Variants in ZNF638 observed in about 807,000 individuals in gnomAD.
ZNF638 encodes the protein CTCL tumor antigen se33-1.
In ZNF638, 46 loss-of-function variants were observed where a neutral mutation model predicts 195.6. The ratio of observed to expected loss-of-function variants is 0.24; its 90% CI spans 0.19 to 0.30. The LOEUF (loss-of-function observed/expected upper bound fraction) is 0.30, where lower values mean the gene tolerates loss of function less well. Among genes scored for constraint, ZNF638 ranks in the 10% least tolerant of loss-of-function variants. The probability of loss-of-function intolerance (pLI) is 1.00; values close to 1 mark genes in which losing one functional copy is unlikely to be tolerated. For missense variants in ZNF638, 2,440 were observed against 2,325.3 expected, an observed-to-expected ratio of 1.05 and a Z score of -1.01; for synonymous variants, 845 against 772.0, an observed-to-expected ratio of 1.09 and a Z score of -1.57.
chr2:71,400,586 A>T, intron 15 of ZNF638, 68 bp downstream of exon 15: 1 of 1,361,442 alleles, frequency 7.3e-7, no homozygotes, highest in Non-Finnish European at 1.0e-6. Context: ...TTTTTCTTAT[A>T]AACCCAGGTA....
chr2:71,398,038 A>G (rs527839168), intron 11 of ZNF638, among the ~76,000 whole-genome samples: 92 of 152,308 alleles, frequency 6.0e-4, no homozygotes, highest in African/African-American at 2.1e-3. Flanking sequence ...TGCTCAAAGT[A>G]TGGGATTGTT....
chr2:71,393,737 C>T lies in ZNF638; in HGVS notation c.2378-2404C>T, dbSNP rs112869021. ...CTCTATTGGGCTCATCTGTTAGATCCGCCTTTCTTACGCCCTGTTACCTGG... is the reference window on the plus strand; with the variant it reads ...CTCTATTGGGCTCATCTGTTAGATCTGCCTTTCTTACGCCCTGTTACCTGG... On this transcript the variant is annotated intron_variant, in intron 10 of 27. Coordinates refer to ENST00000264447, the MANE Select transcript of ZNF638 (RefSeq NM_014497.5). The T allele has an allele frequency of 8.1e-4, 525 of 651,518 alleles. 6 individuals carry two copies. The highest frequency in any genetic ancestry group is 7.7e-3 in the African/African-American group (430 of 55,934). 40.4% of individuals were successfully genotyped at this position (651,518 alleles called of 1,614,324 possible).
rs2080138869 is a variant in ZNF638 at position 71,407,969 on chromosome 2, G to C, written c.3136-153G>C. 3.6e-5 allele frequency: 22 copies of C among 612,578 alleles called. No individual in the cohort carries two copies. In the South Asian group the frequency reaches 5.6e-4, roughly 16 times the overall value. 37.9% of individuals were successfully genotyped at this position (612,578 alleles called of 1,614,324 possible). A position where few individuals can be genotyped will look rare whatever the true frequency, so the allele number is the denominator to read the frequency against. Reference sequence around the variant, plus strand: ...TCTCCCTTTGTCTGTTGTGAATAATGCTTCTGTGAACATGGGTGTACAAAT... The same window carrying C: ...TCTCCCTTTGTCTGTTGTGAATAATCCTTCTGTGAACATGGGTGTACAAAT... On this transcript the variant is annotated intron_variant, in intron 19 of 27. Coordinates refer to ENST00000264447, the MANE Select transcript of ZNF638 (RefSeq NM_014497.5).
chr2:71,363,673 G>A (rs2079146851), intron 4 of ZNF638, among the ~76,000 whole-genome samples: 1 of 152,018 alleles, frequency 6.6e-6, no homozygotes, highest in African/African-American at 2.4e-5. Context: ...GAATAATGTT[G>A]GTACAGGAAA....
chr2:71,349,210 A>G lies in ZNF638; in HGVS notation c.256A>G (p.Lys86Glu), dbSNP rs777853207. 6.2e-7 allele frequency: 1 copy of G among 1,614,222 alleles called. No homozygotes were observed. Among genetic ancestry groups the G allele is most frequent in the Non-Finnish European group, 8.5e-7 (1 of 1,180,040 alleles). ...HRTDPRLTKEKLDFHEAQQKK... is the reference protein window; with the variant it reads ...HRTDPRLTKEELDFHEAQQKK... ...AACTGATCCAAGATTGACCAAAGAA[A>G]AACTGGATTTTCATGAAGCACAACA... is the stretch of plus-strand genomic sequence containing the variant. The change falls in exon 2 of 28, where the codon AAA becomes GAA. Residue 86 changes from lysine to glutamate, a missense_variant. Transcript: ENST00000264447.
chr2:71,422,980 T>G lies in ZNF638; in HGVS notation c.3466T>G (p.Cys1156Gly). Residue 1156 changes from cysteine to glycine, a missense_variant, in exon 22 of 28, where the codon TGT becomes GGT. By Grantham distance (159) the Cys-to-Gly change is radical. This residue lies in a region of ZNF638 where 1,883 missense variants were observed against 1,739.1 expected (regional missense o/e 1.08). Coordinates refer to ENST00000264447, the MANE Select transcript of ZNF638 (RefSeq NM_014497.5). Reference protein sequence around the residue: ...PCEEEAEKATCDSDFAVETLE... With the variant: ...PCEEEAEKATGDSDFAVETLE... ...TGAGGAAGAAGCTGAAAAAGCAACA[T>G]GTGATTCTGACTTTGCTGTTGAAAC... 6.2e-7 allele frequency: 1 copy of G among 1,614,100 alleles called. No individual in the cohort carries two copies. Among genetic ancestry groups the G allele is most frequent in the Non-Finnish European group, 8.5e-7 (1 of 1,179,978 alleles).
intron 18 of ZNF638, 105 bp downstream of exon 18, chr2:71,405,747 T>C (rs532934384): frequency 1.2e-6 from 1 of 822,138 alleles, no homozygotes; most frequent in Admixed American, 2.9e-5. Flanking sequence ...AATTTTAAGA[T>C]ATTGAGGTGA....
At chr2:71,353,913 CTCT>C (rs200014146) in intron 2 of ZNF638, among the ~76,000 whole-genome samples, 2 of 152,188 alleles carry the variant, frequency 1.3e-5, no homozygotes, top group Non-Finnish European at 2.9e-5. Flanking sequence ...CTACTAGAGA[CTCT>C]TCTTCTAGCT....
chr2:71,352,070 GTCAGTT>G (rs1304566553), intron 2 of ZNF638, among the ~76,000 whole-genome samples: 4 of 152,318 alleles, frequency 2.6e-5, no homozygotes, highest in South Asian at 4.1e-4. Flanking sequence ...CTAATGGAAT[GTCAGTT>G]ACTAAATGCA....
In ZNF638 at chr2:71,423,632, C is replaced by G. The variant is rs755391240; in HGVS notation, c.4118C>G (p.Pro1373Arg). The change falls in exon 22 of 28, where the codon CCT becomes CGT. Residue 1373 changes from proline (P) to arginine (R), a missense_variant. Pro to Arg is a moderately radical substitution (Grantham distance 103). Transcript: ENST00000264447. ...AAAGGAGTGGGTCAGGCTAATAAGC[C>G]TGATGAAACTAGTAAAACTAGTATT... ...PNKGVGQANKPDETSKTSILA... is the reference protein window; with the variant it reads ...PNKGVGQANKRDETSKTSILA... 12 of 1,613,784 alleles carry G rather than the reference C, an allele frequency of 7.4e-6. No individual in the cohort carries two copies. Among genetic ancestry groups the G allele is most frequent in the Admixed American group, 1.7e-5 (1 of 59,956 alleles).
At chr2:71,347,166 A>T (rs551955807) in intron 1 of ZNF638, among the ~76,000 whole-genome samples, 1 of 152,172 alleles carries the variant, frequency 6.6e-6, no homozygotes, top group Non-Finnish European at 1.5e-5. Flanking sequence ...ATTGGAAGAG[A>T]TGAAGAGATT....
chr2:71,370,047 T>G, intron 8 of ZNF638, 42 bp downstream of exon 8: 1 of 1,577,632 alleles, frequency 6.3e-7, no homozygotes, highest in Middle Eastern at 1.7e-4. Flanking sequence ...CACTGTTGTT[T>G]TAGTTTAACT....
At chr2:71,424,814 AAG>A in intron 23 of ZNF638, 99 bp downstream of exon 23, 2 of 882,706 alleles carry the variant, frequency 2.3e-6, no homozygotes, top group Non-Finnish European at 3.5e-6. Context: ...GTTAGTGACT[AAG>A]AGTTTAGAGC....
intron 4 of ZNF638, 110 bp downstream of exon 4, chr2:71,363,301 A>G (rs1011950163): frequency 6.3e-6 from 5 of 795,034 alleles, no homozygotes; most frequent in Non-Finnish European, 9.9e-6. Context: ...TTTAAACAAC[A>G]GGCAAATGCA....
rs374181675 is a variant in ZNF638, at chr2:71,368,150, T to C, written c.1996-232T>C. 3.9e-5 allele frequency among the ~76,000 whole-genome samples: 6 copies of C among 152,092 alleles called. No homozygotes were observed. The South Asian group carries it at 8.3e-4, about 21-fold the overall frequency. ...TGTAAACCATTTCTGGGTTAAAAAATATAAATAACATTTCTTACCACTTTT... is the reference window on the plus strand; with the variant it reads ...TGTAAACCATTTCTGGGTTAAAAAACATAAATAACATTTCTTACCACTTTT... On this transcript the variant is annotated intron_variant, in intron 6 of 27. Transcript: ENST00000264447.
At chr2:71,359,185 G>A (rs1573044922) in intron 3 of ZNF638, among the ~76,000 whole-genome samples, 2 of 152,116 alleles carry the variant, frequency 1.3e-5, no homozygotes, top group East Asian at 1.9e-4. Flanking sequence ...TTATGGAGGC[G>A]GAGAAGTCCC....
chr2:71,363,828 A>G (rs1353404699), intron 4 of ZNF638, 126 bp from the exon 5 acceptor site: 9 of 1,199,276 alleles, frequency 7.5e-6, no homozygotes, highest in Admixed American at 2.9e-5. Flanking sequence ...TGTTTTAAGT[A>G]CATATCTTTT....
chr2:71,388,672 A>C, intron 10 of ZNF638: 1 of 1,047,578 alleles, frequency 9.5e-7, no homozygotes, highest in Non-Finnish European at 1.5e-6. Context: ...GGAACACTGC[A>C]AGGGATCACG....
chr2:71,401,283 T>C (rs2080000567), intron 15 of ZNF638, among the ~76,000 whole-genome samples: 1 of 152,098 alleles, frequency 6.6e-6, no homozygotes. Context: ...AAAGGAGTAA[T>C]TGGCATTGAT....
Sources: gnomAD v4.1 joint callset for allele counts (sites outside exome capture counted in the v4.1 genomes callset) on GRCh38, gnomAD v4.1.1 for gene constraint, gnomAD v4.1.1 regional missense constraint, MANE v1.5 for transcripts, NCBI Gene and HGNC (gene_info 2026-07-23, HGNC 2026-07-21) for gene names.